IGFBP7: variants seen among roughly 807,000 people sequenced by gnomAD.
IGFBP7 encodes the protein insulin-like growth factor-binding protein 7.
Under a neutral mutation model 29.4 loss-of-function variants are expected in IGFBP7, and 31 were observed. That is an observed-to-expected ratio of 1.05 (90% confidence interval 0.79 to 1.42). The LOEUF is 1.42. IGFBP7 is among the 40% of genes most tolerant of loss of function. IGFBP7 has a pLI of 0.00. For synonymous variants in IGFBP7, 172 were observed against 174.9 expected, an observed-to-expected ratio of 0.98 and a Z score of 0.13; for missense variants, 393 against 395.5, an observed-to-expected ratio of 0.99 and a Z score of 0.05.
chr4:57,092,367 A>G (rs1307252190), intron 1 of IGFBP7, among the ~76,000 whole-genome samples: 1 of 152,188 alleles, frequency 6.6e-6, no homozygotes, highest in African/African-American at 2.4e-5. Context: ...ATGATCTGAG[A>G]TAGAAACCAT....
At chr4:57,064,245 T>C (rs946157363) in intron 1 of IGFBP7, among the ~76,000 whole-genome samples, 2 of 152,200 alleles carry the variant, frequency 1.3e-5, no homozygotes, top group African/African-American at 2.4e-5. Flanking sequence ...TCCCAGCTAC[T>C]TGGGAGGCTA....
At chr4:57,047,440 T>C (rs551505821) in intron 1 of IGFBP7, among the ~76,000 whole-genome samples, 1 of 152,190 alleles carries the variant, frequency 6.6e-6, no homozygotes, top group Admixed American at 6.5e-5. Flanking sequence ...AACAGTCTAA[T>C]ACAGAGGAGG....
intron 1 of IGFBP7, among the ~76,000 whole-genome samples, chr4:57,076,807 C>G (rs115655618): frequency 6.6e-6 from 1 of 152,136 alleles, no homozygotes; most frequent in Non-Finnish European, 1.5e-5. Flanking sequence ...AGAATCATTA[C>G]CTATTTAAGG....
chr4:57,068,126 A>G (rs1724963699), intron 1 of IGFBP7, among the ~76,000 whole-genome samples: 1 of 152,092 alleles, frequency 6.6e-6, no homozygotes, highest in Non-Finnish European at 1.5e-5. Context: ...CAGGAGTTCA[A>G]GACCAGCCTG....
intron 1 of IGFBP7, among the ~76,000 whole-genome samples, chr4:57,091,750 T>C (rs1725646272): frequency 6.6e-6 from 1 of 152,182 alleles, no homozygotes; most frequent in Non-Finnish European, 1.5e-5. Context: ...CAAAGGACAA[T>C]TGTTGCTGAA....
chr4:57,058,273 G>A (rs1422691317), intron 1 of IGFBP7, among the ~76,000 whole-genome samples: 1 of 152,130 alleles, frequency 6.6e-6, no homozygotes, highest in Non-Finnish European at 1.5e-5. Context: ...GTTAAATCAG[G>A]CTGGACAGAA....
chr4:57,041,440 A>G (rs1724224632), intron 1 of IGFBP7, among the ~76,000 whole-genome samples: 1 of 152,230 alleles, frequency 6.6e-6, no homozygotes. Context: ...CTTAGGATCT[A>G]AGGTTGAAAA....
intron 1 of IGFBP7, among the ~76,000 whole-genome samples, chr4:57,047,640 A>G (rs1199231181): frequency 6.6e-6 from 1 of 152,262 alleles, no homozygotes; most frequent in Admixed American, 6.5e-5. Context: ...TTAAAAATAA[A>G]GTAAATTAAA....
At chr4:57,095,684 CG>C (rs1340692003) in intron 1 of IGFBP7, among the ~76,000 whole-genome samples, 1 of 152,090 alleles carries the variant, frequency 6.6e-6, no homozygotes, top group Non-Finnish European at 1.5e-5. Flanking sequence ...TAAAATGGAA[CG>C]GAACACTGCT....
rs538454329 is a variant in IGFBP7 at position 57,097,742 on chromosome 4, T to C, written c.475+12135A>G. 3.5e-4 allele frequency among the ~76,000 whole-genome samples: 53 copies of C among 152,200 alleles called. No individual in the cohort carries two copies. The Middle Eastern group carries it at 0.014, about 39-fold the overall frequency. On this transcript the variant is annotated intron_variant, in intron 1 of 4. Coordinates refer to ENST00000295666, the MANE Select transcript of IGFBP7 (RefSeq NM_001553.3). ...AAATCATGAATGAAGGAGGTTAGGG[T>C]CACACAAATAGTTAAGTGGCAGAGT...
At chr4:57,068,023 G>A (rs922274088) in intron 1 of IGFBP7, among the ~76,000 whole-genome samples, 11 of 152,172 alleles carry the variant, frequency 7.2e-5, no homozygotes, top group African/African-American at 2.7e-4. Flanking sequence ...AATAGGTTGA[G>A]GTTTCAAAAG....
At chr4:57,032,384 T>C (rs772574894) in intron 4 of IGFBP7, 42 bp downstream of exon 4, 19 of 1,607,728 alleles carry the variant, frequency 1.2e-5, no homozygotes, top group Non-Finnish European at 1.5e-5. Flanking sequence ...TTAAAGCAAA[T>C]GTACTAGTCA....
At chr4:57,099,872 C>T (rs1725852242) in intron 1 of IGFBP7, among the ~76,000 whole-genome samples, 1 of 151,690 alleles carries the variant, frequency 6.6e-6, no homozygotes, top group Non-Finnish European at 1.5e-5. Context: ...GCTAGGACTA[C>T]AGGCACACAA....
At chr4:57,080,130 G>A (rs1184774452) in intron 1 of IGFBP7, among the ~76,000 whole-genome samples, 1 of 152,080 alleles carries the variant, frequency 6.6e-6, no homozygotes, top group Non-Finnish European at 1.5e-5. Flanking sequence ...TCTCCCACAG[G>A]GCTTGGTGGG....
intron 2 of IGFBP7, among the ~76,000 whole-genome samples, 156 bp downstream of exon 2, chr4:57,040,668 G>T (rs1467736287): frequency 6.6e-6 from 1 of 152,212 alleles, no homozygotes; most frequent in East Asian, 1.9e-4. Flanking sequence ...TTTGTTCCAT[G>T]AATCCAGGGG....
intron 1 of IGFBP7, among the ~76,000 whole-genome samples, chr4:57,042,201 C>T (rs1386792222): frequency 1.3e-5 from 2 of 152,140 alleles, no homozygotes; most frequent in African/African-American, 4.8e-5. Flanking sequence ...CAACACAAAC[C>T]ATGTGTATCC....
chr4:57,078,485 A>T (rs992922928), intron 1 of IGFBP7, among the ~76,000 whole-genome samples: 4 of 137,628 alleles, frequency 2.9e-5, no homozygotes, highest in Non-Finnish European at 4.6e-5. Flanking sequence ...AAACTTGTCT[A>T]AAAAAAAAAA....
intron 1 of IGFBP7, among the ~76,000 whole-genome samples, chr4:57,053,407 G>C (rs982655280): frequency 1.3e-5 from 2 of 152,174 alleles, no homozygotes; most frequent in African/African-American, 4.8e-5. Context: ...TGACTCCAGG[G>C]TGTGGTTCTT....
chr4:57,034,029 A>C (rs1378535729), intron 2 of IGFBP7, among the ~76,000 whole-genome samples: 1 of 140,284 alleles, frequency 7.1e-6, no homozygotes, highest in Non-Finnish European at 1.5e-5. Flanking sequence ...CAGCCTGGGC[A>C]ACAGAGTGAG....
Sources: allele counts gnomAD v4.1 joint callset (sites outside exome capture counted in the v4.1 genomes callset), GRCh38; gene constraint gnomAD v4.1.1; transcripts MANE v1.5; gene names NCBI Gene and HGNC (gene_info 2026-07-23, HGNC 2026-07-21).